Variants in MEI4 observed in about 807,000 individuals in gnomAD.
The protein encoded by MEI4 is meiosis-specific protein MEI4.
Under a neutral mutation model 31.4 loss-of-function variants are expected in MEI4, and 27 were observed. The observed-to-expected ratio is 0.86, with a 90% CI of 0.63 to 1.19. MEI4 has a LOEUF of 1.19. Ranked by LOEUF, MEI4 falls within the 50% of genes most tolerant of loss-of-function variation. The pLI is 0.00. For synonymous variants in MEI4, 122 were observed against 145.4 expected (o/e 0.84, Z 1.16); for missense variants, 329 against 398.9 (o/e 0.82, Z 1.49).
chr6:77,889,223 G>A (rs1316211592), intron 4 of MEI4, among the ~76,000 whole-genome samples: 1 of 152,154 alleles, frequency 6.6e-6, no homozygotes, highest in Non-Finnish European at 1.5e-5. Flanking sequence ...GCAGAGGTTG[G>A]AAGTTTGGAG....
At chr6:77,867,564 A>G (rs1033490021) in intron 4 of MEI4, among the ~76,000 whole-genome samples, 1 of 152,216 alleles carries the variant, frequency 6.6e-6, no homozygotes, top group Non-Finnish European at 1.5e-5. Context: ...AAGTCAGGAA[A>G]CAACAGGTGC....
chr6:77,702,224 C>T (rs187065880), intron 2 of MEI4, among the ~76,000 whole-genome samples: 1 of 152,292 alleles, frequency 6.6e-6, no homozygotes, highest in Non-Finnish European at 1.5e-5. Context: ...CACCCTGTTC[C>T]AGACGACGTA....
At chr6:77,697,715 G>T (rs1414261468) in intron 2 of MEI4, among the ~76,000 whole-genome samples, 3 of 152,096 alleles carry the variant, frequency 2.0e-5, no homozygotes, top group African/African-American at 7.2e-5. Context: ...AACAGGTGTG[G>T]TGTGGTGCTG....
chr6:77,666,891 G>T (rs1195089324), intron 1 of MEI4, among the ~76,000 whole-genome samples: 1 of 151,730 alleles, frequency 6.6e-6, no homozygotes, highest in Non-Finnish European at 1.5e-5. Flanking sequence ...GTGCGTGCGT[G>T]CGTGCGTGCA....
intron 4 of MEI4, among the ~76,000 whole-genome samples, chr6:77,832,131 A>G (rs955462143): frequency 6.6e-6 from 1 of 152,014 alleles, no homozygotes; most frequent in Non-Finnish European, 1.5e-5. Flanking sequence ...CTCAACTAAA[A>G]TATAGTTTTT....
intron 3 of MEI4, among the ~76,000 whole-genome samples, chr6:77,806,931 C>A (rs1769455994): frequency 6.6e-6 from 1 of 152,086 alleles, no homozygotes; most frequent in Non-Finnish European, 1.5e-5. Context: ...GTAGTTCCAA[C>A]AGAAATGTAA....
chr6:77,703,950 G>A (rs1053963359), intron 2 of MEI4, among the ~76,000 whole-genome samples: 1 of 152,130 alleles, frequency 6.6e-6, no homozygotes, highest in Admixed American at 6.5e-5. Flanking sequence ...GTTGAAGAGA[G>A]TGCAAATGGA....
chr6:77,670,841 G>A (rs1768724897), intron 1 of MEI4, among the ~76,000 whole-genome samples: 2 of 151,636 alleles, frequency 1.3e-5, no homozygotes, highest in South Asian at 2.1e-4. Flanking sequence ...TACTTATTTT[G>A]TGGCCCCCCA....
chr6:77,668,849 C>T (rs1768685273), intron 1 of MEI4, among the ~76,000 whole-genome samples: 1 of 152,166 alleles, frequency 6.6e-6, no homozygotes, highest in African/African-American at 2.4e-5. Context: ...CATCCCACGG[C>T]AGAAGTAAAG....
At chr6:77,892,273 G>A (rs1171034341) in intron 4 of MEI4, among the ~76,000 whole-genome samples, 2 of 152,156 alleles carry the variant, frequency 1.3e-5, no homozygotes, top group Non-Finnish European at 2.9e-5. Flanking sequence ...CTTTCCTCAG[G>A]CTTCCCTGTT....
At chr6:77,801,150 A>T (rs909974046) in intron 3 of MEI4, among the ~76,000 whole-genome samples, 1 of 152,162 alleles carries the variant, frequency 6.6e-6, no homozygotes, top group Admixed American at 6.6e-5. Flanking sequence ...TAAGCTATTA[A>T]TTATTGCCTC....
chr6:77,666,180 A>AG (rs1296293919), intron 1 of MEI4, among the ~76,000 whole-genome samples: 1 of 151,620 alleles, frequency 6.6e-6, no homozygotes, highest in Non-Finnish European at 1.5e-5. Context: ...TTTTGCGGGC[A>AG]GGGGGTGGGT....
intron 2 of MEI4, among the ~76,000 whole-genome samples, chr6:77,732,608 A>C (rs1476759371): frequency 7.1e-6 from 1 of 141,410 alleles, no homozygotes; most frequent in Non-Finnish European, 1.6e-5. Flanking sequence ...TCCTAATTGA[A>C]TACCCTTTAT....
At chr6:77,875,256 C>T (rs1196752091) in intron 4 of MEI4, among the ~76,000 whole-genome samples, 1 of 152,172 alleles carries the variant, frequency 6.6e-6, no homozygotes, top group African/African-American at 2.4e-5. Context: ...GTATGTTTAT[C>T]TATTTATTTC....
intron 4 of MEI4, among the ~76,000 whole-genome samples, chr6:77,869,443 T>C (rs1771141665): frequency 6.6e-6 from 1 of 152,120 alleles, no homozygotes; most frequent in South Asian, 2.1e-4. Flanking sequence ...TCTGATGTCC[T>C]TATTAGACGG....
At chr6:77,903,793 T>C (rs1766236462) in intron 4 of MEI4, among the ~76,000 whole-genome samples, 1 of 152,176 alleles carries the variant, frequency 6.6e-6, no homozygotes, top group Non-Finnish European at 1.5e-5. Flanking sequence ...CAGATTATCA[T>C]ATGGCTTTTA....
chr6:77,916,720 T>C (rs922016944), intron 4 of MEI4, among the ~76,000 whole-genome samples: 4 of 151,978 alleles, frequency 2.6e-5, no homozygotes, highest in African/African-American at 9.7e-5. Context: ...AGTTTTATTA[T>C]GAGATTGCAT....
intron 3 of MEI4, among the ~76,000 whole-genome samples, chr6:77,804,662 A>G (rs1056830291): frequency 6.6e-6 from 1 of 152,140 alleles, no homozygotes; most frequent in Middle Eastern, 3.2e-3. Flanking sequence ...TCTCTGTTCT[A>G]GAATCATTTG....
intron 2 of MEI4, among the ~76,000 whole-genome samples, chr6:77,697,910 T>A (rs937645984): frequency 1.3e-5 from 2 of 152,180 alleles, no homozygotes; most frequent in African/African-American, 2.4e-5. Flanking sequence ...TAAGTCTCTT[T>A]GTAGGTCACT....
Sources: allele counts gnomAD v4.1 joint callset (sites outside exome capture counted in the v4.1 genomes callset), GRCh38; gene constraint gnomAD v4.1.1; transcripts MANE v1.5; gene names NCBI Gene and HGNC (gene_info 2026-07-23, HGNC 2026-07-21).